Variants in HMCN1 observed in about 807,000 individuals in gnomAD.
HMCN1 encodes hemicentin-1.
Under a neutral mutation model 625.9 loss-of-function variants are expected in HMCN1, and 321 were observed. The ratio of observed to expected loss-of-function variants is 0.51; its 90% CI spans 0.47 to 0.56. The LOEUF is 0.56. Among genes scored for constraint, HMCN1 ranks in the 20% least tolerant of loss-of-function variants. HMCN1 has a pLI of 0.00. For synonymous variants in HMCN1, 2,425 were observed against 2,417.6 expected, an observed-to-expected ratio of 1.00 and a Z score of -0.09; for missense variants, 6,588 against 6,887.3, an observed-to-expected ratio of 0.96 and a Z score of 1.54.
At chr1:185,744,125 A>G (rs1051978171) in intron 1 of HMCN1, among the ~76,000 whole-genome samples, 2 of 150,824 alleles carry the variant, frequency 1.3e-5, no homozygotes, top group African/African-American at 4.9e-5. Context: ...AGTAGCTGGG[A>G]CTACAGGCGC....
chr1:186,029,336 G>T (rs895207748), intron 36 of HMCN1, among the ~76,000 whole-genome samples: 3 of 152,064 alleles, frequency 2.0e-5, no homozygotes, highest in Middle Eastern at 3.2e-3. Flanking sequence ...CTTGATCCCA[G>T]TTGTTTCTTG....
In HMCN1 at chr1:186,010,218, T is replaced by G. The variant is rs182773605; in HGVS notation, c.4630+2936T>G. Among the ~76,000 whole-genome samples the G allele has an allele frequency of 4.2e-3, 641 of 152,132 alleles. 3 individuals are homozygous for G. Among genetic ancestry groups the G allele is most frequent in the Admixed American group, 4.3e-3 (66 of 15,272 alleles). ...GTCTGTGTGTATATATGTGTGTGTG[T>G]GGGGGTACATGGGTGTATCTATACA... On this transcript the variant is annotated intron_variant, in intron 30 of 106. Coordinates refer to ENST00000271588, the MANE Select transcript of HMCN1 (RefSeq NM_031935.3).
chr1:185,853,624 A>T (rs563440685), intron 2 of HMCN1, among the ~76,000 whole-genome samples: 1 of 152,288 alleles, frequency 6.6e-6, no homozygotes, highest in African/African-American at 2.4e-5. Context: ...GCGACAAGAC[A>T]GTGGAGGACA....
intron 105 of HMCN1, among the ~76,000 whole-genome samples, chr1:186,186,396 G>T (rs182107985): frequency 6.6e-6 from 1 of 152,090 alleles, no homozygotes; most frequent in East Asian, 1.9e-4. Context: ...GCATGGTGAC[G>T]CATGCCTGTA....
chr1:186,073,940 G>T (rs1363321739), intron 52 of HMCN1, among the ~76,000 whole-genome samples: 4 of 152,136 alleles, frequency 2.6e-5, no homozygotes, highest in African/African-American at 9.6e-5. Context: ...GGTGAGAAAG[G>T]GTGAGGGACA....
At position 186,145,523 on chromosome 1, in the gene HMCN1, G is replaced by C; in HGVS notation, c.14387G>C (p.Cys4796Ser). The C allele has an allele frequency of 6.2e-7, 1 of 1,614,122 alleles. No individual in the cohort carries two copies. Among genetic ancestry groups the C allele is most frequent in the Non-Finnish European group, 8.5e-7 (1 of 1,180,004 alleles). Reference protein sequence around the residue: ...NPPPSNGGRACGGPDSQIQRC... With the variant: ...NPPPSNGGRASGGPDSQIQRC... ...CCTCCCTCCAATGGGGGAAGAGCTTGTGGGGGACCAGACTCCCAGATCCAG... is the reference window on the plus strand; with the variant it reads ...CCTCCCTCCAATGGGGGAAGAGCTTCTGGGGGACCAGACTCCCAGATCCAG... Residue 4796 changes from cysteine (C) to serine (S), a missense_variant, in exon 92 of 107, where the codon TGT (cysteine) becomes TCT (serine). Cys to Ser is a moderately radical substitution (Grantham distance 112). This residue lies in a region of HMCN1 where 1,954 missense variants were observed against 2,013.1 expected (regional missense o/e 0.97). Transcript: ENST00000271588.
rs754783725 is a variant in HMCN1 at position 186,178,603 on chromosome 1, T to A, written c.16131T>A (p.Pro5377=). 6.2e-7 allele frequency: 1 copy of A among 1,614,154 alleles called. No homozygotes were observed. Among genetic ancestry groups the A allele is most frequent in the Non-Finnish European group, 8.5e-7 (1 of 1,179,992 alleles). Residue 5377 remains proline, a synonymous_variant, in exon 104 of 107, where the codon CCT becomes CCA. Transcript: ENST00000271588. ...GCTATAACCTTGCACGGTTCTCCCCTGTGAGAAACAACTATCAACCTCAAC... is the reference window on the plus strand; with the variant it reads ...GCTATAACCTTGCACGGTTCTCCCCAGTGAGAAACAACTATCAACCTCAAC... ...YSSYNLARFS[P]VRNNYQPQQH... is the part of the protein sequence containing the mutation.
Position 186,095,271 on chromosome 1 carries a change from G to C in HMCN1, c.10323G>C (p.Gly3441=). ...FAPPNMDNSM[G]TEEITVLKGS... Reference sequence around the variant, plus strand: ...CACCAAATATGGACAATTCAATGGGGACAGAGGAAATCACAGTTCTCAAAG... The same window carrying C: ...CACCAAATATGGACAATTCAATGGGCACAGAGGAAATCACAGTTCTCAAAG... Residue 3441 remains glycine (G), a synonymous_variant, in exon 68 of 107, where the codon GGG becomes GGC. Transcript: ENST00000271588. 1.9e-6 allele frequency: 3 copies of C among 1,613,716 alleles called. No homozygotes were observed. Among genetic ancestry groups the C allele is most frequent in the Non-Finnish European group, 2.5e-6 (3 of 1,179,808 alleles).
rs1484429334 is a variant in HMCN1, at chr1:186,147,923, TAAAATA to T, written c.14608+2002_14608+2007del. Among the ~76,000 whole-genome samples the T allele has an allele frequency of 4.3e-4, 66 of 152,298 alleles. 1 individual carries two copies. In the South Asian group the frequency reaches 0.013, roughly 31 times the overall value. ...GGTTAGGGTGGCTGTGGCAATTTCT[TAAAATA>T]AGACAAGAATGACATTTGCCACATC... On this transcript the variant is annotated intron_variant, in intron 93 of 106. Transcript: ENST00000271588.
chr1:186,130,787 C>T (rs944813341), intron 85 of HMCN1, 90 bp downstream of exon 85: 10 of 1,091,592 alleles, frequency 9.2e-6, no homozygotes, highest in Admixed American at 9.1e-5. Context: ...ATTTCTCTTA[C>T]ATTCCTATTT....
At chr1:186,037,693 A>G (rs1201056274) in intron 36 of HMCN1, among the ~76,000 whole-genome samples, 1 of 152,182 alleles carries the variant, frequency 6.6e-6, no homozygotes, top group African/African-American at 2.4e-5. Context: ...CTACTAATCT[A>G]TATAATTCTA....
intron 100 of HMCN1, 35 bp downstream of exon 100, chr1:186,166,977 A>G: frequency 6.2e-7 from 1 of 1,613,874 alleles, no homozygotes; most frequent in Non-Finnish European, 8.5e-7. Context: ...TATGTTCATG[A>G]CAGTAAGAAT....
rs747711798 is a variant in HMCN1, at chr1:186,016,108, A to G, written c.5060A>G (p.Asn1687Ser). The change falls in exon 32 of 107, where the codon AAT (asparagine) becomes AGT (serine). Residue 1687 changes from asparagine (N) to serine (S), a missense_variant. Physicochemically the swap from Asn to Ser is conservative, Grantham distance 46 (BLOSUM62 1). Around this residue, in one of 3 missense-constraint regions of HMCN1, gnomAD observed 4,628 missense variants for 4,853.1 expected, o/e 0.95. Transcript: ENST00000271588. Reference protein sequence around the residue: ...KDGVPVKANDNIRIEAGGKKL... With the variant: ...KDGVPVKANDSIRIEAGGKKL... ...GGTGTACCTGTGAAAGCTAATGACA[A>G]TATCCGCATAGAAGCTGGTGGGAAG... 6.2e-6 allele frequency: 10 copies of G among 1,613,484 alleles called. No individual in the cohort carries two copies. The South Asian group carries it at 7.7e-5, about 12-fold the overall frequency.
At chr1:185,897,839 A>G (rs988656603) in intron 4 of HMCN1, among the ~76,000 whole-genome samples, 18 of 152,122 alleles carry the variant, frequency 1.2e-4, no homozygotes, top group African/African-American at 4.3e-4. Context: ...CCCTCTTGTG[A>G]TATTTAACTC....
chr1:185,863,372 C>T (rs1180629462), intron 2 of HMCN1, among the ~76,000 whole-genome samples: 5 of 152,146 alleles, frequency 3.3e-5, no homozygotes, highest in African/African-American at 1.2e-4. Context: ...TTATATTGAT[C>T]AAAAGTCCAT....
At chr1:186,103,375 T>C (rs1374671376) in intron 68 of HMCN1, 97 bp from the exon 69 acceptor site, 2 of 943,956 alleles carry the variant, frequency 2.1e-6, no homozygotes, top group Non-Finnish European at 3.4e-6. Flanking sequence ...ATTTTTATCA[T>C]GTGAATGTGA....
At chr1:185,908,400 A>G (rs890266601) in intron 4 of HMCN1, among the ~76,000 whole-genome samples, 5 of 152,020 alleles carry the variant, frequency 3.3e-5, no homozygotes, top group South Asian at 2.1e-4. Flanking sequence ...CTTATGCCTC[A>G]TTACAAAAGA....
chr1:186,174,516 A>G lies in HMCN1; in HGVS notation c.15817A>G (p.Ile5273Val). 1.9e-6 allele frequency: 3 copies of G among 1,613,810 alleles called. No individual in the cohort carries two copies. Among genetic ancestry groups the G allele is most frequent in the Non-Finnish European group, 2.5e-6 (3 of 1,179,724 alleles). The part of the protein sequence containing the change: ...TKAENGTCID[I>V]DECKDGTHQC... ...TCTCATTGCCTCCATGTCTGTAGAT[A>G]TTGATGAATGTAAAGATGGGACCCA... Residue 5273 changes from isoleucine (I) to valine (V), a missense_variant and splice_region_variant, in exon 103 of 107, where the codon ATT becomes GTT. Ile to Val is a conservative substitution (Grantham distance 29). This residue lies in a region of HMCN1 where 1,954 missense variants were observed against 2,013.1 expected (regional missense o/e 0.97). Transcript: ENST00000271588.
At chr1:185,912,764 C>T (rs1335083684) in intron 6 of HMCN1, among the ~76,000 whole-genome samples, 1 of 152,148 alleles carries the variant, frequency 6.6e-6, no homozygotes, top group Non-Finnish European at 1.5e-5. Context: ...TTGTGGGCCT[C>T]TTCCCATTCC....
Sources: allele counts gnomAD v4.1 joint callset (sites outside exome capture counted in the v4.1 genomes callset), GRCh38; gene constraint gnomAD v4.1.1; regional missense constraint gnomAD v4.1.1; transcripts MANE v1.5; gene names NCBI Gene and HGNC (gene_info 2026-07-23, HGNC 2026-07-21).